Variants in STARD3 observed in about 807,000 individuals in gnomAD.
STARD3 encodes the protein stAR-related lipid transfer protein 3.
In STARD3, 39 loss-of-function variants were observed where a neutral mutation model predicts 62.0. The observed-to-expected ratio is 0.63, with a 90% CI of 0.49 to 0.82. The LOEUF is 0.82. Ranked by LOEUF, STARD3 falls within the 40% of genes least tolerant of loss-of-function variation. The probability of loss-of-function intolerance (pLI) is 0.00; values close to 1 mark genes in which losing one functional copy is unlikely to be tolerated. For synonymous variants in STARD3, 229 were observed against 242.4 expected, an observed-to-expected ratio of 0.94 and a Z score of 0.51; for missense variants, 543 against 584.5, an observed-to-expected ratio of 0.93 and a Z score of 0.73.
chr17:39,653,039 G>A (rs1205994565), intron 1 of STARD3: 1 of 174,534 alleles, frequency 5.7e-6, no homozygotes, highest in African/African-American at 2.4e-5. Context: ...CTGCTGGGAG[G>A]GAATGTGGCT....
At chr17:39,651,330 G>C (rs535239250) in intron 1 of STARD3, among the ~76,000 whole-genome samples, 1 of 152,358 alleles carries the variant, frequency 6.6e-6, no homozygotes, top group African/African-American at 2.4e-5. Flanking sequence ...AGACTGAGGG[G>C]CCCAGGAAGG....
intron 7 of STARD3, 80 bp from the exon 8 acceptor site, chr17:39,658,970 CA>C: frequency 6.3e-6 from 10 of 1,581,970 alleles, no homozygotes; most frequent in Non-Finnish European, 8.7e-6. Context: ...CACATCCTTG[CA>C]CTCACATACC....
Position 39,659,859 on chromosome 17 carries a change from C to T in STARD3, c.795+306C>T, listed in dbSNP as rs182770763. ...CCGTTGTTTCGTTTCATGATCAAAACAACATTATCTACAAAGATCGTAGAG... is the reference window on the plus strand; with the variant it reads ...CCGTTGTTTCGTTTCATGATCAAAATAACATTATCTACAAAGATCGTAGAG... On this transcript the variant is annotated intron_variant, in intron 9 of 14. Transcript: ENST00000336308. 8.7e-5 allele frequency: 43 copies of T among 493,530 alleles called. No homozygotes were observed. In the Admixed American group the frequency reaches 1.5e-3, roughly 18 times the overall value. The allele number at this position is 493,530 out of a possible 1,614,324, so 30.6% of individuals were successfully genotyped here.
chr17:39,656,729 C>T (rs937981594), intron 2 of STARD3, among the ~76,000 whole-genome samples: 4 of 152,140 alleles, frequency 2.6e-5, no homozygotes, highest in African/African-American at 7.2e-5. Flanking sequence ...TGCACAGCCC[C>T]GAAGCCTCCA....
At chr17:39,658,867 G>A (rs1340205789) in intron 7 of STARD3, 47 bp downstream of exon 7, 2 of 1,601,690 alleles carry the variant, frequency 1.2e-6, no homozygotes, top group Non-Finnish European at 1.7e-6. Context: ...GGGGCCTTGT[G>A]AGGAATGGGG....
rs9890115 is a variant in STARD3, at chr17:39,645,721, C to T, written c.-51-7760C>T. Among the ~76,000 whole-genome samples, 831 of 150,936 alleles carry T rather than the reference C, an allele frequency of 5.5e-3. 6 individuals carry two copies. The highest frequency in any genetic ancestry group is 0.018 in the African/African-American group (733 of 41,108). ...TCCTGACCTCAAGGGATCCTCCCAC[C>T]TCAGCCTCCCAAAGGGCTGAGCCAC... is the stretch of plus-strand genomic sequence containing the variant. On this transcript the variant is annotated intron_variant, in intron 1 of 14. Transcript: ENST00000336308.
At position 39,653,709 on chromosome 17, in the gene STARD3, G is replaced by C; in HGVS notation, c.178G>C (p.Asp60His). The C allele has an allele frequency of 1.2e-6, 2 of 1,614,136 alleles. No homozygotes were observed. The highest frequency in any genetic ancestry group is 1.7e-6 in the Non-Finnish European group (2 of 1,180,032). Residue 60 changes from aspartate to histidine, a missense_variant, in exon 2 of 15, where the codon GAC (aspartate) becomes CAC (histidine). By Grantham distance (81) the Asp-to-His change is moderately conservative. Coordinates refer to ENST00000336308, the MANE Select transcript of STARD3 (RefSeq NM_006804.4). Reference sequence around the variant, plus strand: ...CACCTTCTGTCTCTTCGTCACCTTCGACCTGCTCTTCATCTCCCTGCTCTG... The same window carrying C: ...CACCTTCTGTCTCTTCGTCACCTTCCACCTGCTCTTCATCTCCCTGCTCTG... ...RRTFCLFVTF[D>H]LLFISLLWII...
intron 1 of STARD3, among the ~76,000 whole-genome samples, chr17:39,651,506 C>A (rs950365080): frequency 6.6e-6 from 1 of 152,112 alleles, no homozygotes; most frequent in African/African-American, 2.4e-5. Flanking sequence ...TGGTCAAGTC[C>A]CAGAAGCTCA....
At chr17:39,640,779 G>T (rs2056976630) in intron 1 of STARD3, among the ~76,000 whole-genome samples, 1 of 152,214 alleles carries the variant, frequency 6.6e-6, no homozygotes, top group African/African-American at 2.4e-5. Context: ...CAGTGTGTTA[G>T]GGTCTTCCTG....
At chr17:39,662,523 G>A in intron 14 of STARD3, 179 bp downstream of exon 14, 1 of 668,928 alleles carries the variant, frequency 1.5e-6, no homozygotes, top group South Asian at 1.9e-5. Context: ...CTGGGTTGCT[G>A]TAGGGCATGT....
At position 39,660,815 on chromosome 17, in the gene STARD3, G is replaced by A; in HGVS notation, c.960G>A (p.Leu320=). The change falls in exon 12 of 15, where the codon CTG becomes CTA. Residue 320 remains leucine (L), a synonymous_variant. Coordinates refer to ENST00000336308, the MANE Select transcript of STARD3 (RefSeq NM_006804.4). This position sits in a 1 kb window ranked among gnomAD's most constrained non-coding sequence, Gnocchi z 4.8. The stretch of plus-strand genomic sequence containing the variant: ...TCTCCGTTGACGGCCCTCAGATCCT[G>A]CAGCGAGTGGAAGACAACACCCTCA... ...WNKTVTACQI[L]QRVEDNTLIS... 6.3e-7 allele frequency: 1 copy of A among 1,583,096 alleles called. No individual in the cohort carries two copies. The highest frequency in any genetic ancestry group is 1.2e-5 in the South Asian group (1 of 85,762).
chr17:39,662,197 G>GT, intron 13 of STARD3, 54 bp from the exon 14 acceptor site: 1 of 1,520,480 alleles, frequency 6.6e-7, no homozygotes, highest in Non-Finnish European at 9.0e-7. Flanking sequence ...CTGCGGGGGG[G>GT]TGTCAGGGCC....
In STARD3 at chr17:39,650,407, C is replaced by T. The variant is rs569641268; in HGVS notation, c.-51-3074C>T. Reference sequence around the variant, plus strand: ...CGGCCCTCCCAATACCTTTCTCAGACTTCCAGCCTCCTGAACTGTGAGATG... The same window carrying T: ...CGGCCCTCCCAATACCTTTCTCAGATTTCCAGCCTCCTGAACTGTGAGATG... On this transcript the variant is annotated intron_variant, in intron 1 of 14. Coordinates refer to ENST00000336308, the MANE Select transcript of STARD3 (RefSeq NM_006804.4). Among the ~76,000 whole-genome samples the T allele has an allele frequency of 2.0e-5, 3 of 152,338 alleles. No individual in the cohort carries two copies. The South Asian group carries it at 6.2e-4, about 32-fold the overall frequency.
chr17:39,659,883 A>C, intron 9 of STARD3: 1 of 516,720 alleles, frequency 1.9e-6, no homozygotes, highest in South Asian at 2.3e-5. Flanking sequence ...AAGATCGTAG[A>C]GAGCTTGGAA....
Position 39,653,563 on chromosome 17 carries a change from A to T in STARD3, c.32A>T (p.Asp11Val). Residue 11 changes from aspartate (D) to valine (V), a missense_variant, in exon 2 of 15, where the codon GAC becomes GTC. Coordinates refer to ENST00000336308, the MANE Select transcript of STARD3 (RefSeq NM_006804.4). MSKLPRELTR[D>V]LERSLPAVAS... ...AAGCTGCCCAGGGAGCTGACCCGAG[A>T]CTTGGAGCGCAGCCTGCCTGCCGTG... 1 of 1,607,256 alleles carries T rather than the reference A, an allele frequency of 6.2e-7. No homozygotes were observed. Among genetic ancestry groups the T allele is most frequent in the Non-Finnish European group, 8.5e-7 (1 of 1,179,944 alleles).
chr17:39,653,813 A>C lies in STARD3; in HGVS notation c.219+63A>C, dbSNP rs556120118. On this transcript the variant is annotated intron_variant, in intron 2 of 14. Coordinates refer to ENST00000336308, the MANE Select transcript of STARD3 (RefSeq NM_006804.4). The stretch of plus-strand genomic sequence containing the variant: ...AGGCCACCCGGGCCTCAGTTTGTCC[A>C]TCTGCCACATGGGAGGGCTGCCTCT... 3 of 1,590,840 alleles carry C rather than the reference A, an allele frequency of 1.9e-6. No homozygotes were observed. The South Asian group carries it at 3.3e-5, about 18-fold the overall frequency.
intron 2 of STARD3, 94 bp from the exon 3 acceptor site, chr17:39,656,914 C>T (rs1212767126): frequency 3.1e-6 from 4 of 1,279,246 alleles, no homozygotes; most frequent in Non-Finnish European, 3.4e-6. Context: ...CTCCAGGTTC[C>T]TCCATCCCCT....
At chr17:39,653,857 T>G in intron 2 of STARD3, 107 bp downstream of exon 2, 1 of 1,288,932 alleles carries the variant, frequency 7.8e-7, no homozygotes, top group Non-Finnish European at 1.1e-6. Flanking sequence ...GTTGGTTAGC[T>G]GGGTAAAATG....
At chr17:39,648,768 TCTCCCGGG>T (rs921836722) in intron 1 of STARD3, among the ~76,000 whole-genome samples, 1 of 151,976 alleles carries the variant, frequency 6.6e-6, no homozygotes, top group African/African-American at 2.4e-5. Flanking sequence ...ATATTTCAAC[TCTCCCGGG>T]CTCCCGCAAC....
Sources: allele counts gnomAD v4.1 joint callset (sites outside exome capture counted in the v4.1 genomes callset), GRCh38; gene constraint gnomAD v4.1.1; non-coding constraint Gnocchi (gnomAD v3.1); transcripts MANE v1.5; gene names NCBI Gene and HGNC (gene_info 2026-07-23, HGNC 2026-07-21).